Variants in VRTN observed in about 807,000 individuals in gnomAD.
The protein encoded by VRTN is vertnin.
In VRTN, 5 loss-of-function variants were observed where a neutral mutation model predicts 18.2. The ratio of observed to expected loss-of-function variants is 0.27; its 90% confidence interval spans 0.14 to 0.58. The LOEUF is 0.58. VRTN is among the 20% of genes least tolerant of loss of function. The pLI, the probability that VRTN is intolerant of heterozygous loss-of-function variation, is 0.91. For missense variants in VRTN, 741 were observed against 939.4 expected, an observed-to-expected ratio of 0.79 and a Z score of 2.76; for synonymous variants, 381 against 393.7, an observed-to-expected ratio of 0.97 and a Z score of 0.38.
intron 1 of VRTN, among the ~76,000 whole-genome samples, chr14:74,336,305 G>A (rs892211647): frequency 1.3e-5 from 2 of 152,086 alleles, no homozygotes; most frequent in East Asian, 3.9e-4. Context: ...TGCTCGGGAG[G>A]CTGAGGCAGG....
In VRTN at chr14:74,358,195, C is replaced by T. The variant is rs750198094; in HGVS notation, c.1412C>T (p.Ala471Val). Residue 471 changes from alanine to valine, a missense_variant, in exon 2 of 2, where the codon GCT becomes GTT. Ala to Val is a moderately conservative substitution (Grantham distance 64). Coordinates refer to ENST00000256362, the MANE Select transcript of VRTN (RefSeq NM_018228.3). This position sits in a 1 kb window ranked among gnomAD's most constrained non-coding sequence, Gnocchi z 5.4. ...TPQLASVGEG[A>V]VIPWKSEAEE... Reference sequence around the variant, plus strand: ...CAGCTAGCATCTGTTGGGGAAGGGGCTGTAATTCCTTGGAAGAGTGAGGCG... The same window carrying T: ...CAGCTAGCATCTGTTGGGGAAGGGGTTGTAATTCCTTGGAAGAGTGAGGCG... The T allele has an allele frequency of 1.2e-6, 2 of 1,613,398 alleles. No homozygotes were observed. The highest frequency in any genetic ancestry group is 1.1e-5 in the South Asian group (1 of 91,074).
At chr14:74,334,395 C>T (rs1336543461) in intron 1 of VRTN, among the ~76,000 whole-genome samples, 2 of 151,854 alleles carry the variant, frequency 1.3e-5, no homozygotes, top group East Asian at 1.9e-4. Flanking sequence ...CCAGGCATGG[C>T]GGTGGGTGCC....
intron 1 of VRTN, among the ~76,000 whole-genome samples, chr14:74,329,667 C>T (rs1220970188): frequency 2.7e-5 from 4 of 150,650 alleles, no homozygotes; most frequent in African/African-American, 9.8e-5. Context: ...CCACCTCTGC[C>T]TCCTGGGTTC....
intron 1 of VRTN, among the ~76,000 whole-genome samples, chr14:74,306,280 C>T (rs1316834018): frequency 6.7e-6 from 1 of 149,762 alleles, no homozygotes; most frequent in African/African-American, 2.5e-5. Context: ...AAGTGATCCA[C>T]CTCAGCCTCC....
intron 1 of VRTN, among the ~76,000 whole-genome samples, chr14:74,333,615 G>A (rs547317312): frequency 3.3e-5 from 5 of 152,002 alleles, no homozygotes; most frequent in African/African-American, 1.2e-4. Flanking sequence ...CGAGGCAGGC[G>A]GATCACCTGA....
intron 1 of VRTN, among the ~76,000 whole-genome samples, chr14:74,318,463 G>T (rs928498848): frequency 2.0e-5 from 3 of 152,116 alleles, no homozygotes; most frequent in Admixed American, 1.3e-4. Flanking sequence ...GGAGGTGGGG[G>T]TTTCTCCATG....
chr14:74,357,106 C>A lies in VRTN; in HGVS notation c.323C>A (p.Thr108Asn). 1.2e-6 allele frequency: 2 copies of A among 1,603,052 alleles called. No individual in the cohort carries two copies. The highest frequency in any genetic ancestry group is 1.7e-6 in the Non-Finnish European group (2 of 1,176,980). ...CTCAGCCTGGAGCTGCGGGCCCGCACCGTGGTAGAGATGCTGCTGCACAGA... is the reference window on the plus strand; with the variant it reads ...CTCAGCCTGGAGCTGCGGGCCCGCAACGTGGTAGAGATGCTGCTGCACAGA... ...AGLSLELRAR[T>N]VVEMLLHRHY... Residue 108 changes from threonine (T) to asparagine (N), a missense_variant, in exon 2 of 2, where the codon ACC (threonine) becomes AAC (asparagine). By Grantham distance (65) the Thr-to-Asn change is moderately conservative. This residue lies in a region of VRTN where 186 missense variants were observed against 288.3 expected (regional missense o/e 0.65). Coordinates refer to ENST00000256362, the MANE Select transcript of VRTN (RefSeq NM_018228.3). The surrounding 1 kb of genome is among the most constrained non-coding windows in gnomAD (Gnocchi z 7.8).
chr14:74,326,939 A>G (rs2085491853), intron 1 of VRTN, among the ~76,000 whole-genome samples: 1 of 151,884 alleles, frequency 6.6e-6, no homozygotes, highest in South Asian at 2.1e-4. Context: ...GAAGGTGTAG[A>G]TCCTTTGTCT....
chr14:74,304,234 G>A (rs1015748185), intron 1 of VRTN, among the ~76,000 whole-genome samples: 2 of 151,814 alleles, frequency 1.3e-5, no homozygotes, highest in Admixed American at 1.3e-4. Context: ...TTGGCTCACT[G>A]CAACCTGTGC....
rs2085735417 is a variant in VRTN, at chr14:74,357,257, T to A, written c.474T>A (p.Asp158Glu). Residue 158 changes from aspartate to glutamate, a missense_variant, in exon 2 of 2, where the codon GAT becomes GAA. Physicochemically the swap from Asp to Glu is conservative, Grantham distance 45 (BLOSUM62 2). Coordinates refer to ENST00000256362, the MANE Select transcript of VRTN (RefSeq NM_018228.3). This position sits in a 1 kb window ranked among gnomAD's most constrained non-coding sequence, Gnocchi z 7.8. ...LPPATLEAIF[D>E]ADVKASCFPS... ...CCGCCACGCTGGAGGCCATCTTCGA[T>A]GCCGACGTCAAGGCCTCCTGTTTCC... 1 of 1,613,658 alleles carries A rather than the reference T, an allele frequency of 6.2e-7. No homozygotes were observed. Among genetic ancestry groups the A allele is most frequent in the Non-Finnish European group, 8.5e-7 (1 of 1,179,850 alleles).
chr14:74,339,302 G>C (rs947075286), intron 2 of VRTN, among the ~76,000 whole-genome samples: 2 of 152,040 alleles, frequency 1.3e-5, no homozygotes, highest in Non-Finnish European at 2.9e-5. Context: ...TGAGGGTCAG[G>C]CATGTTCAAA....
At chr14:74,332,336 T>G (rs71429047) in intron 1 of VRTN, among the ~76,000 whole-genome samples, 1 of 16,166 alleles carries the variant, frequency 6.2e-5, no homozygotes, top group African/African-American at 7.7e-4. Flanking sequence ...TCCTAATCTG[T>G]TTTTTTTTTT....
chr14:74,307,740 C>CT (rs879412519), intron 1 of VRTN, among the ~76,000 whole-genome samples: 120 of 150,492 alleles, frequency 8.0e-4, no homozygotes, highest in Middle Eastern at 3.4e-3. Context: ...ATTTTTTTTT[C>CT]TTTTTTTTGA....
Position 74,358,109 on chromosome 14 carries a change from G to A in VRTN, c.1326G>A (p.Lys442=). ...CCACTTATTATAATTGGCGGCGAAA[G>A]GCCCTCCGGAGGAACCCCAGCTTCA... ...SRSTYYNWRR[K]ALRRNPSFKP... Residue 442 remains lysine (K), a synonymous_variant, in exon 2 of 2, where the codon AAG becomes AAA. Transcript: ENST00000256362. This position sits in a 1 kb window ranked among gnomAD's most constrained non-coding sequence, Gnocchi z 5.4. 1.2e-6 allele frequency: 2 copies of A among 1,614,158 alleles called. No homozygotes were observed. Among genetic ancestry groups the A allele is most frequent in the Non-Finnish European group, 1.7e-6 (2 of 1,180,034 alleles).
chr14:74,308,608 G>A (rs973811982), intron 1 of VRTN, among the ~76,000 whole-genome samples: 2 of 150,812 alleles, frequency 1.3e-5, no homozygotes, highest in Non-Finnish European at 3.0e-5. Context: ...TCTGCCTCCC[G>A]GGTTCAAGCG....
chr14:74,315,435 A>C (rs1422810234), intron 1 of VRTN, among the ~76,000 whole-genome samples: 1 of 152,170 alleles, frequency 6.6e-6, no homozygotes, highest in Non-Finnish European at 1.5e-5. Flanking sequence ...TGTGGTGGCC[A>C]TGCCTATAAT....
At chr14:74,346,492 C>T (rs2085645440), upstream of VRTN, among the ~76,000 whole-genome samples, 1 of 152,042 alleles carries the variant, frequency 6.6e-6, no homozygotes, top group African/African-American at 2.4e-5. Context: ...TAGCTCACTG[C>T]AGCTTCTACC....
upstream of VRTN, among the ~76,000 whole-genome samples, chr14:74,346,337 C>G (rs2085644415): frequency 1.3e-5 from 2 of 152,038 alleles, no homozygotes; most frequent in Admixed American, 1.3e-4. Context: ...TGAAAATGCA[C>G]AGCAAAAGGA....
intron 1 of VRTN, among the ~76,000 whole-genome samples, chr14:74,320,614 T>G (rs1224283555): frequency 9.8e-6 from 1 of 102,416 alleles, no homozygotes. Context: ...TGAGACGGAG[T>G]CTTGCTCTGT....
Sources: allele counts gnomAD v4.1 joint callset (sites outside exome capture counted in the v4.1 genomes callset), GRCh38; gene constraint gnomAD v4.1.1; regional missense constraint gnomAD v4.1.1; non-coding constraint Gnocchi (gnomAD v3.1); transcripts MANE v1.5; gene names NCBI Gene and HGNC (gene_info 2026-07-23, HGNC 2026-07-21).